The following HECW1 variants were observed in gnomAD, a reference collection of about 807,000 sequenced individuals.
HECW1 encodes the protein E3 ubiquitin-protein ligase HECW1.
In HECW1, 61 loss-of-function variants were observed where a neutral mutation model predicts 182.3. The ratio of observed to expected loss-of-function variants is 0.33; its 90% CI spans 0.27 to 0.41. HECW1 has a LOEUF of 0.41. HECW1 is among the 10% of genes least tolerant of loss of function. HECW1 has a pLI of 1.00. For missense variants in HECW1, 1,739 were observed against 2,108.9 expected, an observed-to-expected ratio of 0.82 and a Z score of 3.44; for synonymous variants, 859 against 832.6, an observed-to-expected ratio of 1.03 and a Z score of -0.55.
intron 6 of HECW1, among the ~76,000 whole-genome samples, chr7:43,379,774 G>T (rs974082790): frequency 6.6e-6 from 1 of 152,032 alleles, no homozygotes; most frequent in African/African-American, 2.4e-5. Flanking sequence ...CCTGGGAGAG[G>T]CCTTACATCA....
intron 17 of HECW1, among the ~76,000 whole-genome samples, chr7:43,490,817 G>C (rs944581968): frequency 6.6e-6 from 1 of 152,130 alleles, no homozygotes; most frequent in Non-Finnish European, 1.5e-5. Context: ...GAGTGCAATG[G>C]TGCAATCTCG....
intron 2 of HECW1, among the ~76,000 whole-genome samples, chr7:43,134,987 A>G (rs887148387): frequency 1.3e-5 from 2 of 152,186 alleles, no homozygotes; most frequent in African/African-American, 4.8e-5. Context: ...TACCTGAAAC[A>G]TGAATTCTGA....
Position 43,565,077 on chromosome 7 carries a change from AG to A in HECW1, c.*3152del. 1 of 194,290 alleles carries A rather than the reference AG, an allele frequency of 5.1e-6. No homozygotes were observed. The highest frequency in any genetic ancestry group is 8.1e-5 in the East Asian group (1 of 12,272). The allele number at this position is 194,290 out of a possible 1,614,324, so 12.0% of individuals were successfully genotyped here. On this transcript the variant is annotated 3_prime_UTR_variant, in exon 30 of 30. Coordinates refer to ENST00000395891, the MANE Select transcript of HECW1 (RefSeq NM_015052.5). ...GAAAAATGCTTTTAAAATTCTATAA[AG>A]TGTTATAATAATTTCATGGATATCA...
intron 24 of HECW1, among the ~76,000 whole-genome samples, chr7:43,522,789 G>A (rs557847291): frequency 6.6e-6 from 1 of 152,300 alleles, no homozygotes; most frequent in African/African-American, 2.4e-5. Flanking sequence ...GAATGTGCAC[G>A]GAGCACAGGG....
At chr7:43,487,225 C>T (rs993833704) in intron 17 of HECW1, among the ~76,000 whole-genome samples, 1 of 152,126 alleles carries the variant, frequency 6.6e-6, no homozygotes, top group Non-Finnish European at 1.5e-5. Flanking sequence ...ATGCAATTTT[C>T]AATCACAGCT....
chr7:43,155,415 A>G (rs763552871), intron 2 of HECW1, among the ~76,000 whole-genome samples: 1 of 152,254 alleles, frequency 6.6e-6, no homozygotes, highest in Non-Finnish European at 1.5e-5. Context: ...AACTCTTCAA[A>G]GATATTTTTT....
chr7:43,168,995 C>A (rs1369217254), intron 2 of HECW1, among the ~76,000 whole-genome samples: 1 of 152,158 alleles, frequency 6.6e-6, no homozygotes, highest in Non-Finnish European at 1.5e-5. Flanking sequence ...GGGGTGATTT[C>A]TTGGAGGACT....
At chr7:43,247,168 C>T (rs6970507) in intron 3 of HECW1, among the ~76,000 whole-genome samples, 29,574 of 152,142 alleles carry the variant, frequency 0.19, 3,239 homozygotes, top group African/African-American at 0.29. Flanking sequence ...GACTACAATG[C>T]CAAGGTGTGA....
intron 9 of HECW1, chr7:43,438,915 C>A (rs889771731): frequency 6.6e-6 from 1 of 152,116 alleles, no homozygotes; most frequent in Admixed American, 6.5e-5. Flanking sequence ...GCAGAATTTC[C>A]AAGTGTCTTA....
chr7:43,318,195 G>T (rs1481455068), intron 4 of HECW1, among the ~76,000 whole-genome samples: 2 of 152,162 alleles, frequency 1.3e-5, no homozygotes, highest in East Asian at 1.9e-4. Flanking sequence ...AGTGATCAGA[G>T]TGGAGAAATT....
chr7:43,348,669 C>T (rs1004147500), intron 5 of HECW1, among the ~76,000 whole-genome samples: 1 of 152,168 alleles, frequency 6.6e-6, no homozygotes, highest in African/African-American at 2.4e-5. Flanking sequence ...TTCCTCTTAG[C>T]ACCACCTTTG....
chr7:43,494,307 C>T (rs1402755950), intron 19 of HECW1, among the ~76,000 whole-genome samples: 2 of 152,082 alleles, frequency 1.3e-5, no homozygotes, highest in Non-Finnish European at 2.9e-5. Context: ...CCTCCATCCT[C>T]ATTTTCTCTT....
rs201264544 is a variant in HECW1, at chr7:43,132,166, G to GC, written c.-32+17782dup. Among the ~76,000 whole-genome samples, 1,080 of 141,948 alleles carry GC rather than the reference G, an allele frequency of 7.6e-3. 15 individuals are homozygous for GC. The highest frequency in any genetic ancestry group is 0.026 in the African/African-American group (969 of 37,930). 93.1% of individuals were successfully genotyped at this position (141,948 alleles called of 152,430 possible). A position where few individuals can be genotyped will look rare whatever the true frequency, so the allele number is the denominator to read the frequency against. ...GCATCTCCACACAGCCCCTCACAGC[G>GC]CCCCCCCGCCCCAAGTAAGGTTTTG... On this transcript the variant is annotated intron_variant, in intron 2 of 29. Transcript: ENST00000395891.
intron 5 of HECW1, among the ~76,000 whole-genome samples, chr7:43,349,865 A>G (rs776942187): frequency 6.6e-6 from 1 of 152,204 alleles, no homozygotes; most frequent in Non-Finnish European, 1.5e-5. Context: ...GTATCGAAAT[A>G]TGAGGTACCA....
chr7:43,304,174 A>G (rs1191300060), intron 3 of HECW1, among the ~76,000 whole-genome samples: 3 of 152,158 alleles, frequency 2.0e-5, no homozygotes. Context: ...CCCAGCAGCA[A>G]GTAGAGCTCT....
chr7:43,518,320 C>A (rs946327859), intron 24 of HECW1, among the ~76,000 whole-genome samples: 2 of 151,916 alleles, frequency 1.3e-5, no homozygotes, highest in African/African-American at 4.8e-5. Context: ...CATGGTGAAA[C>A]CCCATCTCTA....
chr7:43,412,903 G>A (rs1256293372), intron 8 of HECW1, among the ~76,000 whole-genome samples: 14 of 147,618 alleles, frequency 9.5e-5, no homozygotes, highest in African/African-American at 2.8e-4. Context: ...GAATAATGCC[G>A]CAATAAACAT....
At chr7:43,336,128 C>CTT (rs1562853582) in intron 5 of HECW1, among the ~76,000 whole-genome samples, 3 of 82,702 alleles carry the variant, frequency 3.6e-5, no homozygotes, top group African/African-American at 5.3e-5. Flanking sequence ...CTTTCTTTCT[C>CTT]TCTCTCTCTC....
At chr7:43,415,563 T>C (rs1303266258) in intron 8 of HECW1, among the ~76,000 whole-genome samples, 1 of 152,076 alleles carries the variant, frequency 6.6e-6, no homozygotes, top group Non-Finnish European at 1.5e-5. Context: ...TTCCTGAATC[T>C]GAACATTGGC....
Sources: gnomAD v4.1 joint callset for allele counts (sites outside exome capture counted in the v4.1 genomes callset) on GRCh38, gnomAD v4.1.1 for gene constraint, MANE v1.5 for transcripts, NCBI Gene and HGNC (gene_info 2026-07-23, HGNC 2026-07-21) for gene names.